Variants in CUX1 observed in about 807,000 individuals in gnomAD.
CUX1 encodes the protein cut like homeobox 1.
In CUX1, 31 loss-of-function variants were observed where a neutral mutation model predicts 158.8. The ratio of observed to expected loss-of-function variants is 0.20; its 90% CI spans 0.15 to 0.26. The LOEUF (loss-of-function observed/expected upper bound fraction) is 0.26, where lower values mean the gene tolerates loss of function less well. Ranked by LOEUF, CUX1 falls within the 10% of genes least tolerant of loss-of-function variation. The pLI, the probability that CUX1 is intolerant of heterozygous loss-of-function variation, is 1.00. For synonymous variants in CUX1, 879 were observed against 862.1 expected (o/e 1.02, Z -0.34); for missense variants, 1,589 against 2,014.6 (o/e 0.79, Z 4.04).
chr7:101,817,270 C>G (rs892343583), upstream of CUX1: 5 of 984,792 alleles, frequency 5.1e-6, no homozygotes, highest in Non-Finnish European at 6.0e-6. This position sits in a 1 kb window ranked among gnomAD's most constrained non-coding sequence, Gnocchi z 4.1. Context: ...CGGCGGCCCC[C>G]GGTGACCTGC....
intron 1 of CUX1, among the ~76,000 whole-genome samples, chr7:101,898,565 G>A (rs1584919597): frequency 1.5e-5 from 2 of 132,390 alleles, no homozygotes; most frequent in Admixed American, 7.5e-5. Context: ...GACTATTCTT[G>A]TTTCTTTCCA....
intron 4 of CUX1, among the ~76,000 whole-genome samples, chr7:102,077,352 A>G (rs1826873601): frequency 6.6e-6 from 1 of 151,922 alleles, no homozygotes; most frequent in Admixed American, 6.6e-5. Flanking sequence ...CAAGCCCTGC[A>G]GCAGCCAGAC....
chr7:102,234,183 C>T lies in CUX1; in HGVS notation c.3565C>T (p.Leu1189=). The T allele has an allele frequency of 6.3e-7, 1 of 1,597,922 alleles. No homozygotes were observed. Among genetic ancestry groups the T allele is most frequent in the Non-Finnish European group, 8.5e-7 (1 of 1,173,140 alleles). Residue 1189 remains leucine, a synonymous_variant, in exon 22 of 24, where the codon CTG becomes TTG. Coordinates refer to ENST00000292535, the MANE Select transcript of CUX1 (RefSeq NM_181552.4). ...GCCCTTCGTCCGGATGCAGCTGTGG[C>T]TGAACGACCCCAACAATGTGGAGAA... The part of the protein sequence containing the change: ...REPFVRMQLW[L]NDPNNVEKLM...
At chr7:101,816,179 A>G, upstream of CUX1, 1 of 588,232 alleles carries the variant, frequency 1.7e-6, no homozygotes, top group Non-Finnish European at 2.1e-6. Context: ...GGGCTGGCCC[A>G]GCCGCCGGGG....
At position 101,849,579 on chromosome 7, in the gene CUX1, A is replaced by G. The variant is rs562689459; in HGVS notation, c.30+31910A>G. Among the ~76,000 whole-genome samples the G allele has an allele frequency of 5.9e-5, 9 of 152,172 alleles. No individual in the cohort carries two copies. The East Asian group carries it at 1.7e-3, about 29-fold the overall frequency. On this transcript the variant is annotated intron_variant, in intron 1 of 23. Coordinates refer to ENST00000292535, the MANE Select transcript of CUX1 (RefSeq NM_181552.4). The stretch of plus-strand genomic sequence containing the variant: ...CCATGTTTTCTTTATCCAGTCCATT[A>G]TTGATGGGCATTTACATTGATTCTA...
intron 1 of CUX1, among the ~76,000 whole-genome samples, chr7:101,824,960 T>G (rs1404812487): frequency 3.9e-5 from 6 of 152,206 alleles, no homozygotes; most frequent in Non-Finnish European, 8.8e-5. Flanking sequence ...CAGATAATGG[T>G]GAAACATATT....
intron 8 of CUX1, among the ~76,000 whole-genome samples, chr7:102,134,398 C>T (rs1833665430): frequency 6.6e-6 from 1 of 152,158 alleles, no homozygotes; most frequent in African/African-American, 2.4e-5. Flanking sequence ...TTCCTTGGTC[C>T]TTAAAACATG....
intron 8 of CUX1, among the ~76,000 whole-genome samples, chr7:102,116,001 C>G (rs782492549): frequency 4.4e-4 from 67 of 152,156 alleles, no homozygotes; most frequent in Non-Finnish European, 3.2e-4. Context: ...TCCCATCTTC[C>G]GCGGAAACAC....
intron 19 of CUX1, chr7:102,280,773 G>T (rs1554549032): frequency 6.2e-7 from 1 of 1,611,268 alleles, no homozygotes; most frequent in East Asian, 2.2e-5. Context: ...GGTCCTTTGG[G>T]GTCCTTTCCT....
chr7:102,094,905 A>AT (rs1264360306), intron 4 of CUX1, among the ~76,000 whole-genome samples: 9 of 151,934 alleles, frequency 5.9e-5, no homozygotes, highest in African/African-American at 2.2e-4. Flanking sequence ...AGTTATGGAA[A>AT]TTTTTTTTAC....
chr7:102,184,781 G>A lies in CUX1; in HGVS notation c.1018-5032G>A, dbSNP rs111601256. Among the ~76,000 whole-genome samples the A allele has an allele frequency of 6.3e-3, 965 of 152,246 alleles. 10 individuals are homozygous for A. Among genetic ancestry groups the A allele is most frequent in the African/African-American group, 0.022 (932 of 41,534 alleles). ...CCCACTTTAGCCTCCCAAGTAGCTGGAACTACAGGTGTGCACCACCACACC... is the reference window on the plus strand; with the variant it reads ...CCCACTTTAGCCTCCCAAGTAGCTGAAACTACAGGTGTGCACCACCACACC... On this transcript the variant is annotated intron_variant, in intron 11 of 23. Transcript: ENST00000292535.
At chr7:102,084,426 TC>T (rs1179075350) in intron 4 of CUX1, among the ~76,000 whole-genome samples, 1 of 110,736 alleles carries the variant, frequency 9.0e-6, no homozygotes, top group Non-Finnish European at 2.0e-5. Flanking sequence ...TATACTTTTT[TC>T]TTTTTTTTTT....
intron 2 of CUX1, among the ~76,000 whole-genome samples, chr7:101,979,809 C>T (rs1238865483): frequency 6.6e-6 from 1 of 152,130 alleles, no homozygotes; most frequent in African/African-American, 2.4e-5. Context: ...ACCACCATGC[C>T]CAGCTAATTT....
chr7:102,274,886 T>A (rs1791500100), intron 16 of CUX1, among the ~76,000 whole-genome samples: 1 of 151,906 alleles, frequency 6.6e-6, no homozygotes, highest in South Asian at 2.1e-4. Context: ...TCCTGCCCCT[T>A]TGCTTCCCCA....
intron 8 of CUX1, among the ~76,000 whole-genome samples, chr7:102,141,832 G>A (rs1554500406): frequency 1.4e-5 from 2 of 147,750 alleles, no homozygotes; most frequent in Admixed American, 1.4e-4. Context: ...GTAGAGACGG[G>A]GTTTCTCCAT....
intron 1 of CUX1, among the ~76,000 whole-genome samples, chr7:101,827,153 A>C (rs1793395731): frequency 1.3e-5 from 2 of 152,134 alleles, no homozygotes; most frequent in Non-Finnish European, 2.9e-5. Flanking sequence ...CTTGAACAAC[A>C]TGGGGATTAG....
At chr7:102,070,235 C>T in intron 3 of CUX1, 104 bp from the exon 4 acceptor site, 1 of 941,140 alleles carries the variant, frequency 1.1e-6, no homozygotes, top group East Asian at 2.5e-5. Flanking sequence ...TGTCAAGCAT[C>T]TCCCTTGCTA....
At chr7:102,119,626 A>C (rs1831823021) in intron 8 of CUX1, among the ~76,000 whole-genome samples, 1 of 152,192 alleles carries the variant, frequency 6.6e-6, no homozygotes. Flanking sequence ...GGCTTTGCCA[A>C]AACAGTTGTT....
intron 3 of CUX1, among the ~76,000 whole-genome samples, chr7:102,050,214 C>T (rs1224120812): frequency 6.6e-6 from 1 of 152,218 alleles, no homozygotes; most frequent in Non-Finnish European, 1.5e-5. Context: ...TATCTCATGT[C>T]CGCTTCTCTG....
Sources: gnomAD v4.1 joint callset for allele counts (sites outside exome capture counted in the v4.1 genomes callset) on GRCh38, gnomAD v4.1.1 for gene constraint, Gnocchi (gnomAD v3.1) non-coding constraint, MANE v1.5 for transcripts, NCBI Gene and HGNC (gene_info 2026-07-23, HGNC 2026-07-21) for gene names.